The following DAB1 variants were observed in gnomAD, a reference collection of about 807,000 sequenced individuals.
The protein encoded by DAB1 is disabled homolog 1.
Under a neutral mutation model 64.6 loss-of-function variants are expected in DAB1, and 15 were observed. That is an observed-to-expected ratio of 0.23 (90% confidence interval 0.16 to 0.36). The LOEUF is 0.36. DAB1 is among the 10% of genes least tolerant of loss of function. The pLI, the probability that DAB1 is intolerant of heterozygous loss-of-function variation, is 1.00. For missense variants in DAB1, 596 were observed against 706.7 expected (o/e 0.84, Z 1.78); for synonymous variants, 235 against 251.9 (o/e 0.93, Z 0.64).
At chr1:57,607,789 C>A (rs1570670029) in intron 7 of DAB1, among the ~76,000 whole-genome samples, 4 of 152,128 alleles carry the variant, frequency 2.6e-5, no homozygotes, top group Admixed American at 2.6e-4. Context: ...GAGAGAGGGC[C>A]CATCAGCACA....
At chr1:57,329,218 A>G (rs1168713594) in intron 1 of DAB1, among the ~76,000 whole-genome samples, 2 of 152,174 alleles carry the variant, frequency 1.3e-5, no homozygotes, top group Non-Finnish European at 2.9e-5. Flanking sequence ...CAAGGTCACA[A>G]AACTAATTAG....
At chr1:57,684,242 G>T (rs1475404360) in intron 6 of DAB1, among the ~76,000 whole-genome samples, 2 of 151,958 alleles carry the variant, frequency 1.3e-5, no homozygotes, top group Non-Finnish European at 2.9e-5. Flanking sequence ...AGCTAGAGAG[G>T]TTGACATTCA....
At chr1:57,466,572 T>C (rs1231834369) in intron 7 of DAB1, among the ~76,000 whole-genome samples, 1 of 152,206 alleles carries the variant, frequency 6.6e-6, no homozygotes, top group East Asian at 1.9e-4. Flanking sequence ...AAACAACATC[T>C]ATTTATTCTC....
chr1:57,071,476 A>G (rs1409271229), intron 6 of DAB1, 46 bp downstream of exon 6: 1 of 1,586,574 alleles, frequency 6.3e-7, no homozygotes, highest in South Asian at 1.2e-5. Flanking sequence ...ACATGTGTTT[A>G]TTTGAAGGCC....
chr1:57,421,568 G>A (rs1684887262), intron 1 of DAB1, among the ~76,000 whole-genome samples: 1 of 151,966 alleles, frequency 6.6e-6, no homozygotes, highest in Non-Finnish European at 1.5e-5. Context: ...TCATCCCTGC[G>A]GATCCTCCCA....
chr1:58,491,103 G>A (rs7553996), intron 3 of DAB1, among the ~76,000 whole-genome samples: 3,470 of 151,818 alleles, frequency 0.023, 123 homozygotes, highest in African/African-American at 0.079. Flanking sequence ...CACTGCACCC[G>A]GCCCTTCAAC....
chr1:58,031,377 T>C (rs1044908694), intron 5 of DAB1, among the ~76,000 whole-genome samples: 1 of 152,150 alleles, frequency 6.6e-6, no homozygotes, highest in Non-Finnish European at 1.5e-5. Flanking sequence ...GGGAAAGTGA[T>C]CTGTTCAGAG....
At chr1:58,075,945 A>T (rs563933934) in intron 5 of DAB1, among the ~76,000 whole-genome samples, 5 of 150,796 alleles carry the variant, frequency 3.3e-5, no homozygotes, top group Admixed American at 6.7e-5. Flanking sequence ...TCTCTCTCTC[A>T]CAGGCACACA....
intron 1 of DAB1, among the ~76,000 whole-genome samples, chr1:57,410,845 A>T (rs955662248): frequency 1.3e-5 from 2 of 152,214 alleles, no homozygotes; most frequent in African/African-American, 4.8e-5. Context: ...TATCAACCTA[A>T]ACTAGTACTG....
chr1:57,490,243 A>T (rs536169547), intron 7 of DAB1, among the ~76,000 whole-genome samples: 43 of 152,266 alleles, frequency 2.8e-4, no homozygotes, highest in African/African-American at 1.0e-3. Context: ...AAGACATAAC[A>T]TCTTTATTTA....
intron 2 of DAB1, among the ~76,000 whole-genome samples, chr1:57,285,210 C>T (rs1672216377): frequency 6.6e-6 from 1 of 152,166 alleles, no homozygotes; most frequent in Non-Finnish European, 1.5e-5. Flanking sequence ...CTAAGCCAGA[C>T]TACATTGCAG....
chr1:58,184,867 A>C (rs1347151738), intron 4 of DAB1, among the ~76,000 whole-genome samples: 1 of 152,184 alleles, frequency 6.6e-6, no homozygotes, highest in Non-Finnish European at 1.5e-5. Flanking sequence ...TGAAGGATAC[A>C]TTGGTTGAGC....
At chr1:57,979,201 G>A (rs1185691905) in intron 5 of DAB1, among the ~76,000 whole-genome samples, 1 of 152,166 alleles carries the variant, frequency 6.6e-6, no homozygotes, top group African/African-American at 2.4e-5. Flanking sequence ...AAGAAAATGT[G>A]GCACATATAC....
At chr1:57,499,273 C>T (rs184785821) in intron 7 of DAB1, among the ~76,000 whole-genome samples, 2 of 152,256 alleles carry the variant, frequency 1.3e-5, no homozygotes, top group Non-Finnish European at 2.9e-5. Context: ...TGCACCCAGC[C>T]ACGTTTATAT....
At chr1:57,675,416 T>G (rs1346414001) in intron 6 of DAB1, among the ~76,000 whole-genome samples, 1 of 152,178 alleles carries the variant, frequency 6.6e-6, no homozygotes, top group Admixed American at 6.5e-5. Flanking sequence ...TAATCACTCC[T>G]TAATAAGGGC....
chr1:58,334,134 C>G (rs1380327519), intron 4 of DAB1, among the ~76,000 whole-genome samples: 1 of 152,074 alleles, frequency 6.6e-6, no homozygotes, highest in African/African-American at 2.4e-5. Context: ...CATATCTTGA[C>G]CAATGGAATA....
At position 57,027,433 on chromosome 1, in the gene DAB1, C is replaced by T. The variant is rs79921795; in HGVS notation, c.724-1390G>A. Among the ~76,000 whole-genome samples the T allele has an allele frequency of 8.0e-3, 1,221 of 152,308 alleles. 19 individuals are homozygous for T. The highest frequency in any genetic ancestry group is 0.027 in the African/African-American group (1,138 of 41,562). ...AGACAGCCCCTTCTCTGCTGTGCTG[C>T]CCACTGCAATCTTGCAATGTATTTT... On this transcript the variant is annotated intron_variant, in intron 9 of 14. Transcript: ENST00000371236.
downstream of DAB1, among the ~76,000 whole-genome samples, chr1:57,824,648 C>A (rs1007156953): frequency 6.6e-6 from 1 of 152,174 alleles, no homozygotes; most frequent in Non-Finnish European, 1.5e-5. Context: ...CCAAAGCCAA[C>A]AGTGGGATAT....
At chr1:58,248,008 A>T (rs1164339547) in intron 4 of DAB1, among the ~76,000 whole-genome samples, 1 of 152,012 alleles carries the variant, frequency 6.6e-6, no homozygotes, top group African/African-American at 2.4e-5. Flanking sequence ...ATTTTTAAAA[A>T]GGAGCAAGGC....
Sources: gnomAD v4.1 joint callset for allele counts (sites outside exome capture counted in the v4.1 genomes callset) on GRCh38, gnomAD v4.1.1 for gene constraint, MANE v1.5 for transcripts, NCBI Gene and HGNC (gene_info 2026-07-23, HGNC 2026-07-21) for gene names.